The following MTMR9 variants were observed in gnomAD, a reference collection of about 807,000 sequenced individuals.
The protein encoded by MTMR9 is myotubularin-related protein 9.
Under a neutral mutation model 69.5 loss-of-function variants are expected in MTMR9, and 39 were observed. That is an observed-to-expected ratio of 0.56 (90% CI 0.43 to 0.73). The LOEUF (loss-of-function observed/expected upper bound fraction) is 0.73. Ranked by LOEUF, MTMR9 falls within the 30% of genes least tolerant of loss-of-function variation. MTMR9 has a pLI of 0.00. For missense variants in MTMR9, 900 were observed against 671.2 expected, an observed-to-expected ratio of 1.34 and a Z score of -3.77; for synonymous variants, 354 against 240.8, an observed-to-expected ratio of 1.47 and a Z score of -4.35.
chr8:11,320,757 A>T (rs1477261703), intron 9 of MTMR9: 1 of 152,222 alleles, frequency 6.6e-6, no homozygotes, highest in East Asian at 1.9e-4. Context: ...AGATAAAAAT[A>T]ACCAAAATCT....
At chr8:11,331,351 C>G (rs759285905), downstream of MTMR9, 3 of 1,614,024 alleles carry the variant, frequency 1.9e-6, no homozygotes, top group East Asian at 4.5e-5. Flanking sequence ...TTCCACCTCC[C>G]TATTGCCCTG....
downstream of MTMR9, among the ~76,000 whole-genome samples, chr8:11,332,947 A>G (rs1801289695): frequency 6.6e-6 from 1 of 152,224 alleles, no homozygotes; most frequent in African/African-American, 2.4e-5. Context: ...GCAAATTTGA[A>G]GATAGGATTA....
rs1369700537 is a variant in MTMR9 at position 11,326,105 on chromosome 8, G to A, written c.*3317G>A. On this transcript the variant is annotated 3_prime_UTR_variant, in exon 10 of 10. Transcript: ENST00000221086. ...AATAAAAAATCAGTATCATGGAAAA[G>A]ATATGACCATAATTTAGTCTCCTCA... The A allele has an allele frequency of 6.6e-6, 1 of 152,174 alleles. No homozygotes were observed. The highest frequency in any genetic ancestry group is 1.5e-5 in the Non-Finnish European group (1 of 68,038). The allele number at this position is 152,174 out of a possible 1,614,324, so 9.4% of individuals were successfully genotyped here.
downstream of MTMR9, chr8:11,332,331 A>G (rs977719813): frequency 1.1e-6 from 1 of 888,650 alleles, no homozygotes; most frequent in African/African-American, 1.7e-5. Flanking sequence ...AATCTGGCTT[A>G]TTTACAGGAA....
At chr8:11,304,466 A>T (rs892149024) in intron 3 of MTMR9, among the ~76,000 whole-genome samples, 10 of 152,194 alleles carry the variant, frequency 6.6e-5, no homozygotes, top group Non-Finnish European at 1.3e-4. Flanking sequence ...TAACTTGGAG[A>T]ATAGAACACT....
At position 11,306,253 on chromosome 8, in the gene MTMR9, A is replaced by G. The variant is rs774289626; in HGVS notation, c.655A>G (p.Lys219Glu). The G allele has an allele frequency of 3.1e-6, 5 of 1,613,918 alleles. No individual in the cohort carries two copies. Among genetic ancestry groups the G allele is most frequent in the Non-Finnish European group, 2.5e-6 (3 of 1,179,938 alleles). Residue 219 changes from lysine to glutamate, a missense_variant, in exon 5 of 10, where the codon AAG (lysine) becomes GAG (glutamate). By Grantham distance (56) the Lys-to-Glu change is moderately conservative. Coordinates refer to ENST00000221086, the MANE Select transcript of MTMR9 (RefSeq NM_015458.4). ...CGGGAGGAGGTGCAAGGAGGACGAG[A>G]AGCTGATAAATGCTACCCTCAGGGC... ...TNGRRCKEDE[K>E]LINATLRAGK...
chr8:11,331,743 C>G (rs144998869), downstream of MTMR9: 276 of 1,611,382 alleles, frequency 1.7e-4, 1 homozygote, highest in Middle Eastern at 4.5e-4. Context: ...CTATCGTTCT[C>G]TGCACTTTCC....
At chr8:11,331,719 C>G, downstream of MTMR9, 1 of 1,611,960 alleles carries the variant, frequency 6.2e-7, no homozygotes, top group Non-Finnish European at 8.5e-7. Flanking sequence ...GGCGCTGTCC[C>G]TGGGGCTTCT....
rs147285053 is a variant in MTMR9, at chr8:11,289,800, A to G, written c.182+4730A>G. On this transcript the variant is annotated intron_variant, in intron 1 of 9. Transcript: ENST00000221086. ...CACAATACTGTTTCAAGATCTCTTCATATTGCTGTGTGTACAACCATTTCA... is the reference window on the plus strand; with the variant it reads ...CACAATACTGTTTCAAGATCTCTTCGTATTGCTGTGTGTACAACCATTTCA... Among the ~76,000 whole-genome samples, 130 of 152,318 alleles carry G rather than the reference A, an allele frequency of 8.5e-4. 1 individual carries two copies. The highest frequency in any genetic ancestry group is 3.0e-3 in the African/African-American group (123 of 41,560).
chr8:11,289,353 C>T (rs1317307924), intron 1 of MTMR9, among the ~76,000 whole-genome samples: 1 of 152,216 alleles, frequency 6.6e-6, no homozygotes, highest in East Asian at 1.9e-4. Flanking sequence ...GGGCAAACTA[C>T]TTAACCTCGT....
At chr8:11,299,646 G>C (rs1799681820) in intron 2 of MTMR9, among the ~76,000 whole-genome samples, 1 of 152,158 alleles carries the variant, frequency 6.6e-6, no homozygotes, top group Non-Finnish European at 1.5e-5. Flanking sequence ...ACTGGATTTT[G>C]AGCCAAGACC....
In MTMR9 at chr8:11,325,061, C is replaced by T. The variant is rs1800868749; in HGVS notation, c.*2273C>T. On this transcript the variant is annotated 3_prime_UTR_variant, in exon 10 of 10. Transcript: ENST00000221086. Reference sequence around the variant, plus strand: ...ACACGGTATTCGCATTTCGTTTTCTCTGTCTCACTGAGACAACAATCTATA... The same window carrying T: ...ACACGGTATTCGCATTTCGTTTTCTTTGTCTCACTGAGACAACAATCTATA... 1.3e-5 allele frequency: 2 copies of T among 152,222 alleles called. No individual in the cohort carries two copies. Among genetic ancestry groups the T allele is most frequent in the African/African-American group, 4.8e-5 (2 of 41,452 alleles). The allele number at this position is 152,222 out of a possible 1,614,324, so 9.4% of individuals were successfully genotyped here.
rs1370311663 is a variant in MTMR9 at position 11,324,846 on chromosome 8, G to A, written c.*2058G>A. 1 of 152,256 alleles carries A rather than the reference G, an allele frequency of 6.6e-6. No individual in the cohort carries two copies. Among genetic ancestry groups the A allele is most frequent in the Middle Eastern group, 3.2e-3 (1 of 316 alleles). The allele number at this position is 152,256 out of a possible 1,614,324, so 9.4% of individuals were successfully genotyped here. Reference sequence around the variant, plus strand: ...CACTCCAGCCTGAGCAACAGAGCGAGACCCTGTGTCTAAGTAAAGAAAAAG... The same window carrying A: ...CACTCCAGCCTGAGCAACAGAGCGAAACCCTGTGTCTAAGTAAAGAAAAAG... On this transcript the variant is annotated 3_prime_UTR_variant, in exon 10 of 10. Transcript: ENST00000221086.
At position 11,295,262 on chromosome 8, in the gene MTMR9, C is replaced by G. The variant is rs1185816531; in HGVS notation, c.251C>G (p.Pro84Arg). ...KDFRIIQLDI[P>R]GMEECLNIAS... Reference sequence around the variant, plus strand: ...TTTCGAATTATTCAGTTGGATATTCCTGGAATGGAGGAATGCTTGAATATA... The same window carrying G: ...TTTCGAATTATTCAGTTGGATATTCGTGGAATGGAGGAATGCTTGAATATA... Residue 84 changes from proline (P) to arginine (R), a missense_variant, in exon 2 of 10, where the codon CCT (proline) becomes CGT (arginine). Pro to Arg is a moderately radical substitution (Grantham distance 103, BLOSUM62 -2). Transcript: ENST00000221086. 1 of 1,610,548 alleles carries G rather than the reference C, an allele frequency of 6.2e-7. No homozygotes were observed. The highest frequency in any genetic ancestry group is 1.1e-5 in the South Asian group (1 of 90,850).
intron 8 of MTMR9, 133 bp from the exon 9 acceptor site, chr8:11,319,554 A>C (rs1563285867): frequency 2.3e-6 from 2 of 883,068 alleles, no homozygotes; most frequent in Non-Finnish European, 1.7e-6. Context: ...ATTTTTCAAC[A>C]CTTTGTTTCT....
chr8:11,311,046 C>G (rs1800177479), intron 6 of MTMR9, among the ~76,000 whole-genome samples: 1 of 152,022 alleles, frequency 6.6e-6, no homozygotes, highest in Non-Finnish European at 1.5e-5. Flanking sequence ...CAAATTTGCC[C>G]TTATAATTAA....
chr8:11,336,705 G>C, the MTMR9 span, among the ~76,000 whole-genome samples: 2 of 152,118 alleles, frequency 1.3e-5, no homozygotes, highest in Non-Finnish European at 2.9e-5. Context: ...TTCTTCCTCT[G>C]TGTGCCGGTC....
chr8:11,322,696 G>C lies in MTMR9; in HGVS notation c.1558G>C (p.Glu520Gln). 6.2e-7 allele frequency: 1 copy of C among 1,613,842 alleles called. No individual in the cohort carries two copies. ...EAYEEMVNII[E>Q]YNKELQAKVN... ...ATATGAAGAAATGGTTAACATCATTGAATATAATAAAGAATTACAAGCAAA... is the reference window on the plus strand; with the variant it reads ...ATATGAAGAAATGGTTAACATCATTCAATATAATAAAGAATTACAAGCAAA... Residue 520 changes from glutamate to glutamine, a missense_variant, in exon 10 of 10, where the codon GAA (glutamate) becomes CAA (glutamine). Glu to Gln is a conservative substitution (Grantham distance 29). Transcript: ENST00000221086.
chr8:11,303,074 AC>A (rs998472999), intron 3 of MTMR9, among the ~76,000 whole-genome samples: 19 of 151,012 alleles, frequency 1.3e-4, no homozygotes, highest in Non-Finnish European at 2.7e-4. Context: ...CTTAATAAAA[AC>A]CCCAGTTGGT....
Sources: gnomAD v4.1 joint callset for allele counts (sites outside exome capture counted in the v4.1 genomes callset) on GRCh38, gnomAD v4.1.1 for gene constraint, MANE v1.5 for transcripts, NCBI Gene and HGNC (gene_info 2026-07-23, HGNC 2026-07-21) for gene names.